LAMA2: variants seen among roughly 807,000 people sequenced by gnomAD.
LAMA2 encodes laminin subunit alpha 2.
LAMA2 carries 269 observed loss-of-function variants against 364.8 expected under a neutral mutation model. The ratio of observed to expected loss-of-function variants is 0.74; its 90% CI spans 0.67 to 0.82. The LOEUF is 0.82. Ranked by LOEUF, LAMA2 falls within the 40% of genes least tolerant of loss-of-function variation. The probability of loss-of-function intolerance (pLI) is 0.00; values close to 1 mark genes in which losing one functional copy is unlikely to be tolerated. For missense variants in LAMA2, 3,807 were observed against 3,873.2 expected, an observed-to-expected ratio of 0.98 and a Z score of 0.45; for synonymous variants, 1,379 against 1,370.6, an observed-to-expected ratio of 1.01 and a Z score of -0.14.
intron 48 of LAMA2, among the ~76,000 whole-genome samples, chr6:129,457,153 G>A (rs915465423): frequency 1.9e-4 from 29 of 152,078 alleles, no homozygotes; most frequent in African/African-American, 6.8e-4. Flanking sequence ...ATCATCCTGA[G>A]TTGAGATTAG....
At chr6:129,009,384 T>C (rs930235960) in intron 1 of LAMA2, among the ~76,000 whole-genome samples, 2 of 151,988 alleles carry the variant, frequency 1.3e-5, no homozygotes, top group Admixed American at 1.3e-4. Context: ...TTTTGGCAAA[T>C]GTTGCATTTT....
chr6:129,447,657 G>T (rs138140951), intron 45 of LAMA2, among the ~76,000 whole-genome samples: 1 of 152,316 alleles, frequency 6.6e-6, no homozygotes, highest in Non-Finnish European at 1.5e-5. Context: ...AGTATAATCA[G>T]AGCTGTGCTT....
intron 1 of LAMA2, among the ~76,000 whole-genome samples, chr6:128,899,777 T>A (rs1464257353): frequency 6.6e-6 from 1 of 151,224 alleles, no homozygotes; most frequent in African/African-American, 2.4e-5. Flanking sequence ...CTTCTTGAGT[T>A]TTTTTTTTCC....
chr6:129,256,097 A>G (rs1786643614), intron 14 of LAMA2, among the ~76,000 whole-genome samples: 1 of 152,192 alleles, frequency 6.6e-6, no homozygotes, highest in Non-Finnish European at 1.5e-5. Context: ...TCAATTGGCA[A>G]TTAAGTGAAA....
intron 2 of LAMA2, among the ~76,000 whole-genome samples, chr6:129,054,273 G>A (rs1345070837): frequency 6.6e-6 from 1 of 152,166 alleles, no homozygotes; most frequent in Non-Finnish European, 1.5e-5. Context: ...AGAATCAAAC[G>A]TGTGGACTGA....
At chr6:129,162,890 GGA>G (rs992450511) in intron 8 of LAMA2, among the ~76,000 whole-genome samples, 4 of 151,338 alleles carry the variant, frequency 2.6e-5, no homozygotes, top group African/African-American at 9.8e-5. Flanking sequence ...AAGAGAACTA[GGA>G]GGGGGGGGAA....
chr6:129,203,032 T>A (rs11154466), intron 12 of LAMA2, among the ~76,000 whole-genome samples: 34,833 of 152,118 alleles, frequency 0.23, 4,304 homozygotes, highest in African/African-American at 0.32. Context: ...TAAGGAATGG[T>A]TACCTAAATA....
intron 29 of LAMA2, 96 bp downstream of exon 29, chr6:129,328,508 G>A: frequency 6.4e-7 from 1 of 1,573,900 alleles, no homozygotes; most frequent in Non-Finnish European, 8.7e-7. Context: ...AACTGTAAGG[G>A]AATGCAACTG....
chr6:129,314,759 T>C lies in LAMA2; in HGVS notation c.3516T>C (p.Thr1172=). The C allele has an allele frequency of 6.2e-7, 1 of 1,613,976 alleles. No individual in the cohort carries two copies. Among genetic ancestry groups the C allele is most frequent in the Non-Finnish European group, 8.5e-7 (1 of 1,179,964 alleles). ...GCAGCTGCTATTGCTTCGGCACTAC[T>C]ACCCAGTGCTCTGAAGCAAAAGGAC... ...GCSSCYCFGT[T]TQCSEAKGLI... The change falls in exon 24 of 65, where the codon ACT becomes ACC. Residue 1172 remains threonine (T), a synonymous_variant. Coordinates refer to ENST00000421865, the MANE Select transcript of LAMA2 (RefSeq NM_000426.4).
intron 1 of LAMA2, among the ~76,000 whole-genome samples, chr6:128,989,669 A>G (rs1349787983): frequency 6.6e-6 from 1 of 152,244 alleles, no homozygotes; most frequent in Non-Finnish European, 1.5e-5. Context: ...GCTTATACTT[A>G]TAAAAGCCAG....
intron 1 of LAMA2, among the ~76,000 whole-genome samples, chr6:129,007,555 G>T (rs1416451762): frequency 6.6e-6 from 1 of 152,170 alleles, no homozygotes; most frequent in African/African-American, 2.4e-5. Flanking sequence ...TCTCCTCCAG[G>T]TGATTTGAGG....
intron 39 of LAMA2, 43 bp from the exon 40 acceptor site, chr6:129,403,778 C>G (rs1225558028): frequency 6.3e-7 from 1 of 1,581,378 alleles, no homozygotes; most frequent in East Asian, 2.2e-5. Context: ...CATTTGAGTA[C>G]CATTGAGTGC....
chr6:129,091,227 A>G (rs149750980), intron 3 of LAMA2, among the ~76,000 whole-genome samples: 382 of 152,324 alleles, frequency 2.5e-3, no homozygotes, highest in African/African-American at 8.9e-3. Flanking sequence ...AAGTCCTTCA[A>G]ATACTGTCCC....
At chr6:129,252,328 A>T (rs747847327) in intron 14 of LAMA2, 33 bp downstream of exon 14, 14 of 1,549,296 alleles carry the variant, frequency 9.0e-6, no homozygotes, top group Admixed American at 3.3e-5. Flanking sequence ...CAACGTTCAC[A>T]CATTTACTTT....
At chr6:128,935,683 A>T (rs1268118607) in intron 1 of LAMA2, among the ~76,000 whole-genome samples, 1 of 152,170 alleles carries the variant, frequency 6.6e-6, no homozygotes, top group Non-Finnish European at 1.5e-5. Context: ...TTCTAATAGC[A>T]CTTTAGATGG....
At chr6:128,893,154 A>G (rs139624883) in intron 1 of LAMA2, among the ~76,000 whole-genome samples, 468 of 152,066 alleles carry the variant, frequency 3.1e-3, no homozygotes, top group African/African-American at 0.011. Flanking sequence ...TGGATAAGTC[A>G]CTTAACTATT....
chr6:129,084,937 C>G (rs985435647), intron 3 of LAMA2, among the ~76,000 whole-genome samples: 2 of 152,094 alleles, frequency 1.3e-5, no homozygotes, highest in African/African-American at 4.8e-5. Context: ...GTTCTGTTAT[C>G]CAGTCTTTGC....
chr6:129,433,427 G>A (rs1282920418), intron 41 of LAMA2, among the ~76,000 whole-genome samples: 5 of 152,000 alleles, frequency 3.3e-5, no homozygotes, highest in Non-Finnish European at 5.9e-5. Flanking sequence ...TAGGGGACAG[G>A]GTCTTTAGAA....
chr6:129,514,301 T>G, intron 63 of LAMA2, 72 bp from the exon 64 acceptor site: 2 of 1,082,320 alleles, frequency 1.8e-6, no homozygotes, highest in South Asian at 2.6e-5. Context: ...GACCTGATCA[T>G]TTGTATGTGT....
Sources: gnomAD v4.1 joint callset for allele counts (sites outside exome capture counted in the v4.1 genomes callset) on GRCh38, gnomAD v4.1.1 for gene constraint, MANE v1.5 for transcripts, NCBI Gene and HGNC (gene_info 2026-07-23, HGNC 2026-07-21) for gene names.